DSC1: variants seen among roughly 807,000 people sequenced by gnomAD.
DSC1 encodes desmocollin 1.
DSC1 carries 79 observed loss-of-function variants against 98.8 expected under a neutral mutation model. The observed-to-expected ratio is 0.80, with a 90% CI of 0.67 to 0.96. The LOEUF (loss-of-function observed/expected upper bound fraction) is 0.96, where lower values mean the gene tolerates loss of function less well. DSC1 is among the 50% of genes least tolerant of loss of function. DSC1 has a pLI of 0.00. For synonymous variants in DSC1, 405 were observed against 372.1 expected, an observed-to-expected ratio of 1.09 and a Z score of -1.02; for missense variants, 1,115 against 1,075.9, an observed-to-expected ratio of 1.04 and a Z score of -0.51.
intron 5 of DSC1, among the ~76,000 whole-genome samples, chr18:31,149,848 C>T (rs1988923653): frequency 6.6e-6 from 1 of 152,140 alleles, no homozygotes; most frequent in African/African-American, 2.4e-5. Context: ...TTCTCTCTGC[C>T]TTCCTACTCA....
intron 5 of DSC1, among the ~76,000 whole-genome samples, chr18:31,152,984 T>C (rs1482280844): frequency 6.6e-6 from 1 of 151,598 alleles, no homozygotes; most frequent in Non-Finnish European, 1.5e-5. Context: ...ACTGTGTTAA[T>C]GGGACCTACA....
At chr18:31,147,606 A>G (rs1277640267) in intron 6 of DSC1, among the ~76,000 whole-genome samples, 2 of 152,152 alleles carry the variant, frequency 1.3e-5, no homozygotes, top group South Asian at 2.1e-4. Flanking sequence ...ATTCAATGGA[A>G]GCAAAAATCT....
rs199628832 is a variant in DSC1 at position 31,134,019 on chromosome 18, C to T, written c.1988G>A (p.Arg663Lys). 6.2e-7 allele frequency: 1 copy of T among 1,613,190 alleles called. No individual in the cohort carries two copies. Among genetic ancestry groups the T allele is most frequent in the East Asian group, 2.2e-5 (1 of 44,778 alleles). The part of the protein sequence containing the change: ...GLVATHMLTV[R>K]VCDCSTPSEC... ...AGATGGAGTTGAACAGTCACATACT[C>T]TCACTGTTAACATATGTGTTGCAAC... The change falls in exon 13 of 16, where the codon AGA becomes AAA. Residue 663 changes from arginine to lysine, a missense_variant. Arg to Lys is a conservative substitution (Grantham distance 26). Coordinates refer to ENST00000257198, the MANE Select transcript of DSC1 (RefSeq NM_024421.2).
chr18:31,157,784 C>T (rs2143932403), intron 2 of DSC1, among the ~76,000 whole-genome samples: 1 of 152,304 alleles, frequency 6.6e-6, no homozygotes, highest in East Asian at 1.9e-4. Flanking sequence ...CTTCGTCATA[C>T]ATTAATTTGA....
intron 14 of DSC1, chr18:31,132,076 G>A: frequency 1.8e-6 from 1 of 553,934 alleles, no homozygotes. Context: ...TAGGGTCATT[G>A]TAGATGTAAT....
chr18:31,155,493 C>G (rs2852000), intron 4 of DSC1, among the ~76,000 whole-genome samples: 83,790 of 151,596 alleles, frequency 0.55, 23,525 homozygotes, highest in East Asian at 0.66. Flanking sequence ...AGCTGGGCTT[C>G]GTGGTGGGTG....
chr18:31,132,362 G>T (rs1178783461), intron 14 of DSC1: 3 of 547,704 alleles, frequency 5.5e-6, no homozygotes, highest in Non-Finnish European at 9.2e-6. Context: ...CTTGTCTGTT[G>T]TTTAAGTCAC....
intron 6 of DSC1, among the ~76,000 whole-genome samples, chr18:31,146,636 G>C (rs948028643): frequency 1.3e-5 from 2 of 152,042 alleles, no homozygotes; most frequent in Non-Finnish European, 2.9e-5. Context: ...TAGTAGCTCT[G>C]TTTTTAGTTC....
chr18:31,159,540 A>T lies in DSC1; in HGVS notation c.64-11T>A. On this transcript the variant is annotated splice_polypyrimidine_tract_variant and intron_variant, in intron 1 of 15. Transcript: ENST00000257198. ...AAGTAATGTTAAAACCTCAAAAAAA[A>T]AAAAAGAAAAAATATCAGGAATTAA... 6.3e-7 allele frequency: 1 copy of T among 1,585,696 alleles called. No homozygotes were observed. The highest frequency in any genetic ancestry group is 1.4e-5 in the African/African-American group (1 of 72,886).
In DSC1 at chr18:31,157,529, T is replaced by C. The variant is rs376893419; in HGVS notation, c.193A>G (p.Ser65Gly). ...CLKSASLIRS[S>G]DPAFRILEDG... ...TCTAGAATTCTGAAGGCAGGGTCACTGGACCGGATTAGGCTGGCCGACTTG... is the reference window on the plus strand; with the variant it reads ...TCTAGAATTCTGAAGGCAGGGTCACCGGACCGGATTAGGCTGGCCGACTTG... Residue 65 changes from serine to glycine, a missense_variant, in exon 3 of 16, where the codon AGT becomes GGT. Coordinates refer to ENST00000257198, the MANE Select transcript of DSC1 (RefSeq NM_024421.2). The C allele has an allele frequency of 1.8e-4, 283 of 1,614,222 alleles. No individual in the cohort carries two copies. Among genetic ancestry groups the C allele is most frequent in the South Asian group, 3.1e-4 (28 of 91,092 alleles).
chr18:31,153,595 A>G (rs955014910), intron 5 of DSC1, among the ~76,000 whole-genome samples: 4 of 152,186 alleles, frequency 2.6e-5, no homozygotes, highest in Non-Finnish European at 4.4e-5. Flanking sequence ...ATACAGTTTC[A>G]AATTTTTCAC....
At chr18:31,145,852 A>G in intron 6 of DSC1, 75 bp from the exon 7 acceptor site, 1 of 1,488,522 alleles carries the variant, frequency 6.7e-7, no homozygotes, top group Non-Finnish European at 9.1e-7. Context: ...AAATCAAGGC[A>G]TTGCTGTAGC....
intron 7 of DSC1, among the ~76,000 whole-genome samples, chr18:31,144,198 C>A (rs7236502): frequency 7.9e-5 from 12 of 151,906 alleles, no homozygotes; most frequent in Non-Finnish European, 2.9e-5. Context: ...GTGTGAGCCA[C>A]TGTGCCTGGC....
chr18:31,150,562 C>A (rs1384364524), intron 5 of DSC1, among the ~76,000 whole-genome samples: 1 of 151,224 alleles, frequency 6.6e-6, no homozygotes, highest in African/African-American at 2.4e-5. Flanking sequence ...AACACCACCA[C>A]CACCGTCATC....
At chr18:31,155,957 G>A in intron 4 of DSC1, 86 bp downstream of exon 4, 1 of 1,415,026 alleles carries the variant, frequency 7.1e-7, no homozygotes, top group Non-Finnish European at 9.7e-7. Context: ...TTAAACCTCT[G>A]ATTCAATATG....
intron 11 of DSC1, among the ~76,000 whole-genome samples, chr18:31,138,634 G>T: frequency 6.6e-6 from 1 of 150,992 alleles, no homozygotes. Flanking sequence ...AAAAACAAAG[G>T]GACAAATAAA....
intron 6 of DSC1, among the ~76,000 whole-genome samples, chr18:31,147,221 G>T (rs980834383): frequency 6.6e-6 from 1 of 151,680 alleles, no homozygotes; most frequent in East Asian, 1.9e-4. Context: ...TTATCAGATC[G>T]ATATTTCCAT....
chr18:31,159,130 T>C (rs535954975), intron 2 of DSC1, among the ~76,000 whole-genome samples: 1 of 81,314 alleles, frequency 1.2e-5, no homozygotes, highest in South Asian at 3.9e-4. Context: ...CTCGGCTCAC[T>C]GCAAGCTCCG....
intron 15 of DSC1, 114 bp downstream of exon 15, chr18:31,131,480 C>T: frequency 7.6e-7 from 1 of 1,323,720 alleles, no homozygotes; most frequent in Admixed American, 2.3e-5. Context: ...GATAATCCAA[C>T]AGGTAAAAGA....
Sources: allele counts gnomAD v4.1 joint callset (sites outside exome capture counted in the v4.1 genomes callset), GRCh38; gene constraint gnomAD v4.1.1; transcripts MANE v1.5; gene names NCBI Gene and HGNC (gene_info 2026-07-23, HGNC 2026-07-21).